Variants in CUBN observed in about 807,000 individuals in gnomAD.
CUBN encodes the protein 460 kDa receptor.
A neutral mutation model predicts 405.3 loss-of-function variants in CUBN; 282 were observed. That is an observed-to-expected ratio of 0.70 (90% CI 0.63 to 0.77). The LOEUF (loss-of-function observed/expected upper bound fraction) is 0.77, where lower values mean the gene tolerates loss of function less well. Ranked by LOEUF, CUBN falls within the 30% of genes least tolerant of loss-of-function variation. The pLI, the probability that CUBN is intolerant of heterozygous loss-of-function variation, is 0.00. For missense variants in CUBN, 4,514 were observed against 4,475.2 expected, an observed-to-expected ratio of 1.01 and a Z score of -0.25; for synonymous variants, 1,684 against 1,617.0, an observed-to-expected ratio of 1.04 and a Z score of -0.99.
chr10:16,829,150 A>C, intron 65 of CUBN, 110 bp from the exon 66 acceptor site: 1 of 787,056 alleles, frequency 1.3e-6, no homozygotes, highest in Non-Finnish European at 2.2e-6. Context: ...CTCTGCAAGA[A>C]TAATGGAGGC....
At position 16,910,221 on chromosome 10, in the gene CUBN, C is replaced by T. The variant is rs182675215; in HGVS notation, c.7534-2542G>A. On this transcript the variant is annotated intron_variant, in intron 48 of 66. Transcript: ENST00000377833. ...CTCTTCTCCTTCTCCCTCTCTTCTC[C>T]CTCTTCTTCTTCTCCCTCTTCTCCT... Among the ~76,000 whole-genome samples the T allele has an allele frequency of 9.9e-5, 15 of 150,808 alleles. No individual in the cohort carries two copies. The East Asian group carries it at 2.3e-3, about 24-fold the overall frequency.
chr10:17,114,190 C>T lies in CUBN; in HGVS notation c.721-1G>A. On this transcript the variant is annotated splice_acceptor_variant, in intron 7 of 66. Transcript: ENST00000377833. LOFTEE classifies it high-confidence loss of function. ...CATCACAGACGCAGCTGTACTTGGG[C>T]TGGCAGGATGACAACAGCGTGAATA... 6.2e-7 allele frequency: 1 copy of T among 1,613,706 alleles called. No individual in the cohort carries two copies. Among genetic ancestry groups the T allele is most frequent in the Non-Finnish European group, 8.5e-7 (1 of 1,179,866 alleles).
At chr10:16,891,935 A>G (rs902165048) in intron 54 of CUBN, among the ~76,000 whole-genome samples, 16 of 152,314 alleles carry the variant, frequency 1.1e-4, no homozygotes, top group Non-Finnish European at 1.9e-4. Context: ...AACTATCTCA[A>G]ACAAGGATGT....
At chr10:16,997,838 A>G (rs1242276298) in intron 28 of CUBN, among the ~76,000 whole-genome samples, 1 of 152,176 alleles carries the variant, frequency 6.6e-6, no homozygotes, top group East Asian at 1.9e-4. Flanking sequence ...GCCAAGTGAT[A>G]GGCATCTGTC....
chr10:17,108,920 A>C (rs1174614542), intron 10 of CUBN, among the ~76,000 whole-genome samples: 1 of 152,198 alleles, frequency 6.6e-6, no homozygotes, highest in Non-Finnish European at 1.5e-5. Flanking sequence ...ACAAGTAGAA[A>C]GATGCCCAGT....
chr10:16,825,091 G>GA lies in CUBN; in HGVS notation c.10765-10dup, dbSNP rs199737327. ...GGAGCTATGCTGGTGTCCTAAAATT[G>GA]AAAAAAAAAGTATCCAATTATATAT... On this transcript the variant is annotated splice_polypyrimidine_tract_variant and intron_variant, in intron 66 of 66. Coordinates refer to ENST00000377833, the MANE Select transcript of CUBN (RefSeq NM_001081.4). 461 of 1,552,776 alleles carry GA rather than the reference G, an allele frequency of 3.0e-4. No individual in the cohort carries two copies. Among genetic ancestry groups the GA allele is most frequent in the Non-Finnish European group, 3.6e-4 (404 of 1,137,388 alleles).
intron 31 of CUBN, among the ~76,000 whole-genome samples, chr10:16,957,504 C>T (rs781349826): frequency 2.2e-4 from 33 of 152,094 alleles, no homozygotes; most frequent in Admixed American, 5.2e-4. Flanking sequence ...AAAAAATGCT[C>T]AACATCACTA....
intron 31 of CUBN, chr10:16,966,001 T>G (rs923718606): frequency 2.1e-6 from 1 of 470,964 alleles, no homozygotes. Flanking sequence ...GAAATCAAGT[T>G]GTATTCATTC....
rs1383373425 is a variant in CUBN at position 17,043,918 on chromosome 10, A to T, written c.3738T>A (p.Pro1246=). The T allele has an allele frequency of 6.2e-7, 1 of 1,613,616 alleles. No homozygotes were observed. The highest frequency in any genetic ancestry group is 1.1e-5 in the South Asian group (1 of 91,082). The change falls in exon 26 of 67, where the codon CCT becomes CCA. Residue 1246 remains proline, a synonymous_variant. Coordinates refer to ENST00000377833, the MANE Select transcript of CUBN (RefSeq NM_001081.4). ...LTQLCGDEKP[P]LIRSSGDSMF... ...TGCTGTCTCCACTAGAACGAATAAGAGGGGGTTTCTCATCCCCACAAAGCT... is the reference window on the plus strand; with the variant it reads ...TGCTGTCTCCACTAGAACGAATAAGTGGGGGTTTCTCATCCCCACAAAGCT...
intron 13 of CUBN, among the ~76,000 whole-genome samples, chr10:17,101,914 T>C (rs1252967946): frequency 6.6e-6 from 1 of 152,234 alleles, no homozygotes; most frequent in Non-Finnish European, 1.5e-5. Context: ...TGCTGTAATG[T>C]ATATGGAGCA....
intron 40 of CUBN, among the ~76,000 whole-genome samples, chr10:16,930,813 C>T (rs1474660514): frequency 6.6e-6 from 1 of 152,198 alleles, no homozygotes; most frequent in East Asian, 1.9e-4. Context: ...CCTGTGATGA[C>T]AGGCCAATTG....
At chr10:17,065,671 A>AT (rs778496300) in intron 21 of CUBN, 33 bp from the exon 22 acceptor site, 2 of 1,612,026 alleles carry the variant, frequency 1.2e-6, no homozygotes, top group African/African-American at 2.7e-5. Context: ...AGATGTGTGT[A>AT]TTTTAGTTTG....
intron 59 of CUBN, among the ~76,000 whole-genome samples, chr10:16,866,865 A>G (rs1840201115): frequency 6.6e-6 from 1 of 152,188 alleles, no homozygotes; most frequent in Non-Finnish European, 1.5e-5. Context: ...AGGAGACCCA[A>G]TTTCACTACA....
intron 58 of CUBN, among the ~76,000 whole-genome samples, chr10:16,872,345 C>G (rs1459889449): frequency 1.1e-5 from 1 of 94,968 alleles, no homozygotes; most frequent in Non-Finnish European, 1.9e-5. Context: ...AGATTGTATA[C>G]ATACATATAT....
At chr10:16,845,349 T>C (rs1272437974) in intron 60 of CUBN, among the ~76,000 whole-genome samples, 1 of 152,252 alleles carries the variant, frequency 6.6e-6, no homozygotes, top group Non-Finnish European at 1.5e-5. Context: ...ATATTCTTAC[T>C]GGGAGCAGAA....
rs141987244 is a variant in CUBN, at chr10:17,076,550, T to C, written c.2302-4579A>G. On this transcript the variant is annotated intron_variant, in intron 17 of 66. Coordinates refer to ENST00000377833, the MANE Select transcript of CUBN (RefSeq NM_001081.4). ...CTGGGATGGATGGCATTATTTTACA[T>C]AGTTATTCACTTCCCTTCCTGTAAA... 1.9e-3 allele frequency among the ~76,000 whole-genome samples: 284 copies of C among 151,920 alleles called. 2 individuals are homozygous for C. Among genetic ancestry groups the C allele is most frequent in the African/African-American group, 6.6e-3 (272 of 41,446 alleles).
chr10:16,936,648 C>A (rs1842512154), intron 39 of CUBN, among the ~76,000 whole-genome samples: 1 of 152,156 alleles, frequency 6.6e-6, no homozygotes, highest in Non-Finnish European at 1.5e-5. Flanking sequence ...CAAGAAATAT[C>A]TGATTAATTT....
chr10:17,036,551 G>A (rs995235205), intron 27 of CUBN, among the ~76,000 whole-genome samples: 6 of 151,860 alleles, frequency 4.0e-5, no homozygotes, highest in South Asian at 2.1e-4. Flanking sequence ...ATTGTGTTTC[G>A]GTGCCACCAC....
At chr10:16,944,340 A>G (rs993505757) in intron 36 of CUBN, among the ~76,000 whole-genome samples, 2 of 152,218 alleles carry the variant, frequency 1.3e-5, no homozygotes, top group African/African-American at 4.8e-5. Flanking sequence ...TGGGTAATAA[A>G]TGGTTAAATA....
Sources: allele counts gnomAD v4.1 joint callset (sites outside exome capture counted in the v4.1 genomes callset), GRCh38; gene constraint gnomAD v4.1.1; transcripts MANE v1.5; gene names NCBI Gene and HGNC (gene_info 2026-07-23, HGNC 2026-07-21).